CSMD1: variants seen among roughly 807,000 people sequenced by gnomAD.
The protein encoded by CSMD1 is CUB and sushi domain-containing protein 1.
Under a neutral mutation model 417.5 loss-of-function variants are expected in CSMD1, and 213 were observed. The observed-to-expected ratio is 0.51, with a 90% CI of 0.46 to 0.57. CSMD1 has a LOEUF of 0.57. CSMD1 is among the 20% of genes least tolerant of loss of function. CSMD1 has a pLI of 0.00. For synonymous variants in CSMD1, 2,862 were observed against 1,736.8 expected, an observed-to-expected ratio of 1.65 and a Z score of -16.11; for missense variants, 6,923 against 4,529.7, an observed-to-expected ratio of 1.53 and a Z score of -15.17.
chr8:3,343,186 C>T (rs1807773958), intron 23 of CSMD1, 108 bp downstream of exon 23: 3 of 914,582 alleles, frequency 3.3e-6, no homozygotes, highest in Admixed American at 5.1e-5. Context: ...ATCAAAAACA[C>T]AGTAGGCAGC....
At chr8:3,765,395 C>T (rs1427723713) in intron 5 of CSMD1, among the ~76,000 whole-genome samples, 1 of 152,146 alleles carries the variant, frequency 6.6e-6, no homozygotes, top group Non-Finnish European at 1.5e-5. Context: ...CCACTCCTAC[C>T]TTTACAGCAT....
At chr8:4,475,152 G>C (rs542022265) in intron 2 of CSMD1, among the ~76,000 whole-genome samples, 1 of 152,166 alleles carries the variant, frequency 6.6e-6, no homozygotes, top group Non-Finnish European at 1.5e-5. Context: ...TATTAAGCAA[G>C]CCTATTGATA....
chr8:4,382,032 A>T (rs1358208231), intron 3 of CSMD1, among the ~76,000 whole-genome samples: 1 of 152,170 alleles, frequency 6.6e-6, no homozygotes, highest in East Asian at 1.9e-4. Flanking sequence ...TGGGGTCTGA[A>T]TTTCTGTTAT....
At chr8:4,887,940 T>A (rs1470170216) in intron 1 of CSMD1, among the ~76,000 whole-genome samples, 1 of 152,100 alleles carries the variant, frequency 6.6e-6, no homozygotes, top group African/African-American at 2.4e-5. Flanking sequence ...GTGAGTCTCA[T>A]GTAGTCAATA....
At chr8:3,746,920 G>A (rs1334602937) in intron 6 of CSMD1, among the ~76,000 whole-genome samples, 2 of 152,206 alleles carry the variant, frequency 1.3e-5, no homozygotes, top group Non-Finnish European at 2.9e-5. Context: ...CAGGACACTG[G>A]CCTGTCAGCT....
chr8:4,357,864 T>C (rs1012541543), intron 3 of CSMD1, among the ~76,000 whole-genome samples: 4 of 152,190 alleles, frequency 2.6e-5, no homozygotes, highest in Admixed American at 6.5e-5. Context: ...AAATTTATCA[T>C]ATTTTAATGC....
intron 1 of CSMD1, among the ~76,000 whole-genome samples, chr8:4,643,901 GC>G (rs113859623): frequency 2.2e-3 from 332 of 152,272 alleles, no homozygotes; most frequent in African/African-American, 7.7e-3. Flanking sequence ...CCTGTAGGAG[GC>G]TTTGAAAGCC....
intron 3 of CSMD1, among the ~76,000 whole-genome samples, chr8:4,394,303 C>A (rs369342783): frequency 1.3e-5 from 2 of 152,112 alleles, no homozygotes; most frequent in South Asian, 4.2e-4. Flanking sequence ...AATGTTTACC[C>A]TCCTATGTTT....
intron 5 of CSMD1, among the ~76,000 whole-genome samples, chr8:3,931,224 G>T (rs1563223849): frequency 6.6e-6 from 1 of 150,512 alleles, no homozygotes; most frequent in Non-Finnish European, 1.5e-5. Flanking sequence ...GAGGTTCGGA[G>T]AATGATAATA....
At chr8:4,992,107 C>G (rs577121168) in intron 1 of CSMD1, among the ~76,000 whole-genome samples, 81 of 152,280 alleles carry the variant, frequency 5.3e-4, no homozygotes, top group African/African-American at 1.9e-3. Flanking sequence ...AAGAGGAGCT[C>G]TCTTCCACGG....
chr8:4,904,784 A>G (rs1437554750), intron 1 of CSMD1, among the ~76,000 whole-genome samples: 2 of 152,134 alleles, frequency 1.3e-5, no homozygotes, highest in African/African-American at 4.8e-5. Flanking sequence ...TTCAGCAGTT[A>G]TTTTGGACAG....
intron 5 of CSMD1, among the ~76,000 whole-genome samples, chr8:3,934,135 A>C (rs1476954528): frequency 6.6e-6 from 1 of 152,188 alleles, no homozygotes; most frequent in East Asian, 1.9e-4. Flanking sequence ...CCACTTCACA[A>C]AAAAGATGAG....
chr8:4,380,519 AG>A (rs1175264690), intron 3 of CSMD1, among the ~76,000 whole-genome samples: 3 of 152,218 alleles, frequency 2.0e-5, no homozygotes, highest in African/African-American at 7.2e-5. Flanking sequence ...AGCCAAGGGG[AG>A]CCCAAGGAGA....
At chr8:3,631,750 T>C (rs576814455) in intron 7 of CSMD1, among the ~76,000 whole-genome samples, 1 of 152,338 alleles carries the variant, frequency 6.6e-6, no homozygotes, top group African/African-American at 2.4e-5. Flanking sequence ...TTTGATTAAA[T>C]AAAGCGCTCT....
intron 1 of CSMD1, among the ~76,000 whole-genome samples, chr8:4,714,986 T>A (rs1563202898): frequency 6.6e-6 from 1 of 152,234 alleles, no homozygotes; most frequent in Non-Finnish European, 1.5e-5. Context: ...TTTCCCTTTA[T>A]GCTCACAGAT....
At chr8:4,220,805 G>A (rs1024531794) in intron 3 of CSMD1, among the ~76,000 whole-genome samples, 1 of 152,192 alleles carries the variant, frequency 6.6e-6, no homozygotes, top group African/African-American at 2.4e-5. Flanking sequence ...ACCGAACGCA[G>A]CTCAGGTAAG....
chr8:4,925,391 G>A (rs1421096683), intron 1 of CSMD1, among the ~76,000 whole-genome samples: 2 of 151,284 alleles, frequency 1.3e-5, no homozygotes, highest in African/African-American at 4.9e-5. Context: ...TTAAATACAT[G>A]GCATTTTGTA....
chr8:4,957,158 CA>C (rs1809171862), intron 1 of CSMD1, among the ~76,000 whole-genome samples: 1 of 152,148 alleles, frequency 6.6e-6, no homozygotes, highest in Non-Finnish European at 1.5e-5. Context: ...TAGGTAAAAA[CA>C]GTTTGTGACA....
At chr8:3,982,591 T>C (rs1026138855) in intron 5 of CSMD1, among the ~76,000 whole-genome samples, 2 of 151,214 alleles carry the variant, frequency 1.3e-5, no homozygotes, top group Non-Finnish European at 2.9e-5. Flanking sequence ...AGAATTTCAC[T>C]ACTATTATGA....
Sources: gnomAD v4.1 joint callset for allele counts (sites outside exome capture counted in the v4.1 genomes callset) on GRCh38, gnomAD v4.1.1 for gene constraint, MANE v1.5 for transcripts, NCBI Gene and HGNC (gene_info 2026-07-23, HGNC 2026-07-21) for gene names.